MBP: variants seen among roughly 807,000 people sequenced by gnomAD.
MBP encodes myelin basic protein.
A neutral mutation model predicts 35.8 loss-of-function variants in MBP; 16 were observed. The ratio of observed to expected loss-of-function variants is 0.45; its 90% confidence interval spans 0.30 to 0.68. MBP has a LOEUF of 0.68. Ranked by LOEUF, MBP falls within the 30% of genes least tolerant of loss-of-function variation. The probability of loss-of-function intolerance (pLI) is 0.08; values close to 1 mark genes in which losing one functional copy is unlikely to be tolerated. For synonymous variants in MBP, 143 were observed against 159.6 expected, an observed-to-expected ratio of 0.90 and a Z score of 0.78; for missense variants, 380 against 404.7, an observed-to-expected ratio of 0.94 and a Z score of 0.52.
intron 1 of MBP, chr18:77,114,400 T>A (rs1434829074): frequency 6.6e-6 from 1 of 152,204 alleles, no homozygotes; most frequent in African/African-American, 2.4e-5. Flanking sequence ...CAATATCAGC[T>A]GTCTAAACCA....
chr18:77,130,055 A>G (rs1462020791), intron 1 of MBP, among the ~76,000 whole-genome samples: 1 of 151,752 alleles, frequency 6.6e-6, no homozygotes, highest in Non-Finnish European at 1.5e-5. Context: ...TCAAAAAAAA[A>G]AAAAAGAAAA....
intron 1 of MBP, among the ~76,000 whole-genome samples, chr18:77,111,063 AC>A (rs1976435369): frequency 6.6e-6 from 1 of 151,108 alleles, no homozygotes. Context: ...CCTGTGCTAG[AC>A]CTCTCGCTGG....
intron 2 of MBP, among the ~76,000 whole-genome samples, chr18:77,074,003 A>G (rs1053353955): frequency 5.3e-5 from 8 of 152,236 alleles, no homozygotes; most frequent in African/African-American, 1.7e-4. Flanking sequence ...TCTCACCACT[A>G]AGGCCAGGAG....
intron 1 of MBP, among the ~76,000 whole-genome samples, chr18:77,120,278 C>T (rs945493514): frequency 6.6e-6 from 1 of 152,178 alleles, no homozygotes; most frequent in South Asian, 2.1e-4. Context: ...TCAGCCCTCG[C>T]GGCATCTGGT....
At chr18:77,062,246 A>G (rs1281080371) in intron 3 of MBP, among the ~76,000 whole-genome samples, 8 of 152,222 alleles carry the variant, frequency 5.3e-5, no homozygotes, top group East Asian at 1.9e-4. Flanking sequence ...GTTTAGCCCC[A>G]CGATTAGTCA....
At chr18:77,090,688 C>T (rs908588803) in intron 2 of MBP, among the ~76,000 whole-genome samples, 6 of 152,198 alleles carry the variant, frequency 3.9e-5, no homozygotes, top group Non-Finnish European at 7.3e-5. Flanking sequence ...TCCCGGCTCT[C>T]GGGCTTTCCT....
chr18:77,002,055 G>C (rs1464490880), intron 4 of MBP, among the ~76,000 whole-genome samples: 1 of 152,212 alleles, frequency 6.6e-6, no homozygotes, highest in Admixed American at 6.5e-5. Flanking sequence ...TTTTGGGGAA[G>C]TGGGTCAAAT....
In MBP at chr18:77,100,191, G is replaced by A. The variant is rs528499109; in HGVS notation, c.51+5020C>T. Among the ~76,000 whole-genome samples, 9 of 152,288 alleles carry A rather than the reference G, an allele frequency of 5.9e-5. No individual in the cohort carries two copies. The South Asian group carries it at 1.7e-3, about 28-fold the overall frequency. The stretch of plus-strand genomic sequence containing the variant: ...TGGAGTAGGGTGGCCCTGAGCCAAC[G>A]TGATGCTGTCCTTCTAAGCAGAGAT... On this transcript the variant is annotated intron_variant, in intron 2 of 8. Transcript: ENST00000355994.
intron 3 of MBP, among the ~76,000 whole-genome samples, chr18:77,054,547 C>A (rs1973645393): frequency 1.3e-5 from 2 of 152,172 alleles, no homozygotes. Context: ...AGGCTGGGAC[C>A]CACTTAATCA....
intron 4 of MBP, chr18:77,010,163 A>G: frequency 3.6e-6 from 2 of 554,478 alleles, no homozygotes; most frequent in East Asian, 3.1e-5. Context: ...TGCGCCCTGA[A>G]GGACTCAGGA....
At chr18:77,117,947 T>A (rs71360997) in intron 1 of MBP, among the ~76,000 whole-genome samples, 6 of 556 alleles carry the variant, frequency 0.011, no homozygotes, top group Middle Eastern at 0.25. Context: ...CGGGATGGGG[T>A]CAGTGGGTTG....
At chr18:77,069,444 T>C (rs1003431317) in intron 2 of MBP, among the ~76,000 whole-genome samples, 1 of 152,218 alleles carries the variant, frequency 6.6e-6, no homozygotes, top group Non-Finnish European at 1.5e-5. Flanking sequence ...ACTAATTAAG[T>C]ACGATTCAGC....
intron 4 of MBP, chr18:77,003,969 A>G (rs12962017): frequency 0.15 from 19,585 of 133,898 alleles, 1,814 homozygotes; most frequent in Non-Finnish European, 0.21. Context: ...GCTTAGGGTC[A>G]TGGTATCTGT....
At chr18:77,000,342 C>A (rs1399677451) in intron 4 of MBP, among the ~76,000 whole-genome samples, 1 of 152,298 alleles carries the variant, frequency 6.6e-6, no homozygotes, top group Middle Eastern at 3.4e-3. Context: ...TCATACTAGA[C>A]ACACTGTTTT....
At chr18:77,116,903 AG>A (rs1976684786) in intron 1 of MBP, among the ~76,000 whole-genome samples, 1 of 152,102 alleles carries the variant, frequency 6.6e-6, no homozygotes, top group South Asian at 2.1e-4. Context: ...AGCAAGCCCA[AG>A]GAACACAAGT....
Position 77,088,287 on chromosome 18 carries a change from G to A in MBP, c.51+16924C>T, listed in dbSNP as rs982836521. Among the ~76,000 whole-genome samples, 6 of 152,136 alleles carry A rather than the reference G, an allele frequency of 3.9e-5. No individual in the cohort carries two copies. In the East Asian group the frequency reaches 9.6e-4, roughly 24 times the overall value. ...GACAGTGCCTTCCAGCTGCGTCCAC[G>A]TCCAGCAGAAGGGGCGAGGGAACCC... is the stretch of plus-strand genomic sequence containing the variant. On this transcript the variant is annotated intron_variant, in intron 2 of 8. Transcript: ENST00000355994.
At chr18:77,011,513 T>C (rs1333737364) in intron 4 of MBP, among the ~76,000 whole-genome samples, 3 of 152,206 alleles carry the variant, frequency 2.0e-5, no homozygotes, top group African/African-American at 7.2e-5. Context: ...TGTCTACTCA[T>C]GGGGAAGGCA....
intron 2 of MBP, among the ~76,000 whole-genome samples, chr18:77,076,010 C>T (rs776255272): frequency 2.0e-5 from 3 of 152,194 alleles, no homozygotes; most frequent in East Asian, 1.9e-4. Context: ...CATGAACCTT[C>T]GCAATCTCAA....
chr18:77,085,683 G>GTTTTTTTTT (rs10645727), intron 2 of MBP, among the ~76,000 whole-genome samples: 1 of 124,248 alleles, frequency 8.0e-6, no homozygotes, highest in Non-Finnish European at 1.6e-5. Context: ...AGTGCAATAA[G>GTTTTTTTTT]TTTTTTTTTT....
Sources: allele counts gnomAD v4.1 joint callset (sites outside exome capture counted in the v4.1 genomes callset), GRCh38; gene constraint gnomAD v4.1.1; transcripts MANE v1.5; gene names NCBI Gene and HGNC (gene_info 2026-07-23, HGNC 2026-07-21).